Variants in ARID4B observed in about 807,000 individuals in gnomAD.
ARID4B encodes the protein AT-rich interaction domain 4B, also known as AT-rich interactive domain-containing protein 4B.
In ARID4B, 26 loss-of-function variants were observed where a neutral mutation model predicts 147.5. The observed-to-expected ratio is 0.18, with a 90% CI of 0.13 to 0.24. The LOEUF (loss-of-function observed/expected upper bound fraction) is 0.24, where lower values mean the gene tolerates loss of function less well. Among genes scored for constraint, ARID4B ranks in the 10% least tolerant of loss-of-function variants. The probability of loss-of-function intolerance (pLI) is 1.00; values close to 1 mark genes in which losing one functional copy is unlikely to be tolerated. For missense variants in ARID4B, 1,179 were observed against 1,511.5 expected, an observed-to-expected ratio of 0.78 and a Z score of 3.65; for synonymous variants, 512 against 507.9, an observed-to-expected ratio of 1.01 and a Z score of -0.11.
At chr1:235,245,068 C>T (rs1434479637) in intron 7 of ARID4B, among the ~76,000 whole-genome samples, 2 of 152,162 alleles carry the variant, frequency 1.3e-5, no homozygotes, top group East Asian at 3.8e-4. Flanking sequence ...ACAGATGGAG[C>T]AGGTCTTCAT....
intron 2 of ARID4B, among the ~76,000 whole-genome samples, chr1:235,308,264 A>C (rs1327303007): frequency 8.8e-6 from 1 of 113,716 alleles, no homozygotes; most frequent in Non-Finnish European, 1.9e-5. Context: ...ATGCACAGCT[A>C]ATTTTTGTAT....
intron 19 of ARID4B, among the ~76,000 whole-genome samples, chr1:235,188,789 A>C (rs898952662): frequency 1.1e-4 from 17 of 152,172 alleles, no homozygotes; most frequent in African/African-American, 3.4e-4. Flanking sequence ...ATTCCCTAGG[A>C]CATGGCCAAC....
chr1:235,206,278 A>C (rs1666303095), intron 17 of ARID4B, among the ~76,000 whole-genome samples: 1 of 152,194 alleles, frequency 6.6e-6, no homozygotes, highest in Non-Finnish European at 1.5e-5. Context: ...ACGTAGTCCT[A>C]ATGTAGAAAG....
intron 23 of ARID4B, among the ~76,000 whole-genome samples, chr1:235,170,603 T>C (rs1043693574): frequency 1.3e-5 from 2 of 151,752 alleles, no homozygotes; most frequent in Non-Finnish European, 2.9e-5. Flanking sequence ...CCAGATGTGG[T>C]GGTGGGCGCC....
intron 3 of ARID4B, among the ~76,000 whole-genome samples, chr1:235,259,179 G>A (rs1156379920): frequency 6.6e-6 from 1 of 152,238 alleles, no homozygotes; most frequent in African/African-American, 2.4e-5. Flanking sequence ...AGAGGCAGTA[G>A]AGTCCAGTAA....
chr1:235,195,578 C>A (rs1023233314), intron 18 of ARID4B, among the ~76,000 whole-genome samples: 1 of 147,200 alleles, frequency 6.8e-6, no homozygotes, highest in Non-Finnish European at 1.5e-5. Context: ...GGCAACAGAG[C>A]GAGACTCTGT....
At chr1:235,245,071 G>A (rs965313125) in intron 7 of ARID4B, among the ~76,000 whole-genome samples, 9 of 152,132 alleles carry the variant, frequency 5.9e-5, no homozygotes, top group African/African-American at 2.2e-4. Context: ...GATGGAGCAG[G>A]TCTTCATTCC....
chr1:235,255,287 C>CTATATATA (rs558596691), intron 5 of ARID4B, among the ~76,000 whole-genome samples: 58 of 136,612 alleles, frequency 4.2e-4, no homozygotes, highest in South Asian at 2.2e-3. Context: ...CTCTCTCTCT[C>CTATATATA]TATATATATA....
At chr1:235,237,584 G>T (rs1668687478) in intron 8 of ARID4B, among the ~76,000 whole-genome samples, 1 of 152,086 alleles carries the variant, frequency 6.6e-6, no homozygotes, top group African/African-American at 2.4e-5. Flanking sequence ...AAGGGTAAAT[G>T]GACATCACAA....
At chr1:235,174,965 G>A (rs553832158) in intron 22 of ARID4B, among the ~76,000 whole-genome samples, 1 of 152,270 alleles carries the variant, frequency 6.6e-6, no homozygotes, top group South Asian at 2.1e-4. Flanking sequence ...AATTAGCTGG[G>A]TGTGGTGGCG....
intron 17 of ARID4B, among the ~76,000 whole-genome samples, chr1:235,196,606 A>G (rs892687033): frequency 1.3e-5 from 2 of 152,124 alleles, no homozygotes; most frequent in African/African-American, 4.8e-5. Context: ...TAATCCTAGC[A>G]CTTTTGGGAG....
chr1:235,228,369 C>T (rs1169777725), intron 11 of ARID4B: 1 of 143,100 alleles, frequency 7.0e-6, no homozygotes, highest in Non-Finnish European at 1.5e-5. Context: ...ATTCACGGCT[C>T]ATTGCAACCT....
rs1553286606 is a variant in ARID4B, at chr1:235,196,172, ATGCC to A, written c.1842-61_1842-58del. On this transcript the variant is annotated intron_variant, in intron 17 of 23. Transcript: ENST00000264183. ...ACAATATATACCACGGAAATAACCT[ATGCC>A]ATATTAAAGAGAAACTCATATAGAA... 2.7e-5 allele frequency: 23 copies of A among 860,700 alleles called. 1 individual carries two copies. The highest frequency in any genetic ancestry group is 1.1e-5 in the Non-Finnish European group (6 of 569,026). 53.3% of individuals were successfully genotyped at this position (860,700 alleles called of 1,614,324 possible).
rs1427278148 is a variant in ARID4B at position 235,182,405 on chromosome 1, T to C, written c.2514A>G (p.Ser838=). The C allele has an allele frequency of 1.2e-6, 2 of 1,608,810 alleles. No homozygotes were observed. Among genetic ancestry groups the C allele is most frequent in the Non-Finnish European group, 1.7e-6 (2 of 1,178,778 alleles). ...CNTEECLKTG[S]PGKKEEKAKN... ...TGGCCTTCTCTTCCTTTTTGCCAGG[T>C]GATCCAGTTTTTAGACACTCTTCTG... Residue 838 remains serine, a synonymous_variant, in exon 20 of 24, where the codon TCA becomes TCG. Coordinates refer to ENST00000264183, the MANE Select transcript of ARID4B (RefSeq NM_016374.6).
chr1:235,259,531 T>G (rs1572097365), intron 3 of ARID4B, among the ~76,000 whole-genome samples: 1 of 152,342 alleles, frequency 6.6e-6, no homozygotes, highest in African/African-American at 2.4e-5. Context: ...TCTCTTCCTC[T>G]ACAGGATAGT....
rs563849894 is a variant in ARID4B, at chr1:235,264,893, T to C, written c.7-4141A>G. On this transcript the variant is annotated intron_variant, in intron 2 of 23. Coordinates refer to ENST00000264183, the MANE Select transcript of ARID4B (RefSeq NM_016374.6). ...GGTCAACATGGTGAAACCCCATCTCTACTTAAAATATAAAAAATTAGCCAG... is the reference window on the plus strand; with the variant it reads ...GGTCAACATGGTGAAACCCCATCTCCACTTAAAATATAAAAAATTAGCCAG... 1.3e-3 allele frequency among the ~76,000 whole-genome samples: 194 copies of C among 151,210 alleles called. 1 individual carries two copies. The highest frequency in any genetic ancestry group is 2.2e-3 in the Non-Finnish European group (148 of 67,898).
At chr1:235,275,404 T>C (rs1478342815) in intron 2 of ARID4B, among the ~76,000 whole-genome samples, 7 of 152,120 alleles carry the variant, frequency 4.6e-5, no homozygotes, top group Non-Finnish European at 8.8e-5. Flanking sequence ...CAGGGAGAAG[T>C]AGAGAAAACC....
chr1:235,215,946 A>C (rs1012302005), intron 16 of ARID4B, among the ~76,000 whole-genome samples: 4 of 151,876 alleles, frequency 2.6e-5, no homozygotes, highest in African/African-American at 9.7e-5. Flanking sequence ...TTTCAGCTTT[A>C]TATCTCTATA....
At position 235,182,495 on chromosome 1, in the gene ARID4B, C is replaced by T; in HGVS notation, c.2424G>A (p.Lys808=). The change falls in exon 20 of 24, where the codon AAG becomes AAA. Residue 808 remains lysine, a synonymous_variant. Transcript: ENST00000264183. ...DEVTKKRKDV[K]KDTTDKSSKP... Reference sequence around the variant, plus strand: ...TTGAAGATTTATCTGTTGTGTCCTTCTTGACATCCTTTCTCTTTTTTGTGA... The same window carrying T: ...TTGAAGATTTATCTGTTGTGTCCTTTTTGACATCCTTTCTCTTTTTTGTGA... 2 of 1,613,420 alleles carry T rather than the reference C, an allele frequency of 1.2e-6. No individual in the cohort carries two copies. The highest frequency in any genetic ancestry group is 8.5e-7 in the Non-Finnish European group (1 of 1,179,868).
Sources: allele counts gnomAD v4.1 joint callset (sites outside exome capture counted in the v4.1 genomes callset), GRCh38; gene constraint gnomAD v4.1.1; transcripts MANE v1.5; gene names NCBI Gene and HGNC (gene_info 2026-07-23, HGNC 2026-07-21).